The following LRMDA variants were observed in gnomAD, a reference collection of about 807,000 sequenced individuals.
LRMDA encodes leucine-rich melanocyte differentiation-associated protein.
LRMDA carries 18 observed loss-of-function variants against 29.8 expected under a neutral mutation model. The observed-to-expected ratio is 0.60, with a 90% CI of 0.42 to 0.90. The LOEUF (loss-of-function observed/expected upper bound fraction) is 0.90, where lower values mean the gene tolerates loss of function less well. LRMDA is among the 40% of genes least tolerant of loss of function. The probability of loss-of-function intolerance (pLI) is 0.00; values close to 1 mark genes in which losing one functional copy is unlikely to be tolerated. For synonymous variants in LRMDA, 125 were observed against 109.4 expected (o/e 1.14, Z -0.89); for missense variants, 273 against 273.9 (o/e 1.00, Z 0.02).
At chr10:76,461,223 C>G (rs1387863946) in intron 6 of LRMDA, among the ~76,000 whole-genome samples, 1 of 152,092 alleles carries the variant, frequency 6.6e-6, no homozygotes, top group Non-Finnish European at 1.5e-5. Context: ...GTGCCTCATC[C>G]TGACCTCGCC....
At chr10:76,521,186 T>G (rs1228036495) in intron 6 of LRMDA, among the ~76,000 whole-genome samples, 1 of 149,126 alleles carries the variant, frequency 6.7e-6, no homozygotes, top group Admixed American at 6.8e-5. Context: ...CAGGCTGGAG[T>G]GCCGTGGCGC....
chr10:76,359,651 C>T (rs945939066), intron 6 of LRMDA, among the ~76,000 whole-genome samples: 146 of 152,154 alleles, frequency 9.6e-4, no homozygotes, highest in African/African-American at 3.2e-3. Context: ...CCCATATTCC[C>T]GTGGTTTAAT....
chr10:75,769,820 T>TAAAA (rs1843216127), intron 2 of LRMDA, among the ~76,000 whole-genome samples: 1 of 152,166 alleles, frequency 6.6e-6, no homozygotes, highest in African/African-American at 2.4e-5. Flanking sequence ...CCATCTCTAC[T>TAAAA]AAAAATACAA....
intron 2 of LRMDA, among the ~76,000 whole-genome samples, chr10:75,745,818 T>C (rs1842883539): frequency 6.6e-6 from 1 of 152,152 alleles, no homozygotes; most frequent in Non-Finnish European, 1.5e-5. Context: ...AGCTTTTCTT[T>C]GTTTTTTCGT....
At chr10:76,485,844 G>A (rs1002843298) in intron 6 of LRMDA, among the ~76,000 whole-genome samples, 7 of 151,746 alleles carry the variant, frequency 4.6e-5, no homozygotes, top group Middle Eastern at 3.4e-3. Flanking sequence ...TTTCTCTCTC[G>A]GGGTTTTTTA....
intron 6 of LRMDA, among the ~76,000 whole-genome samples, chr10:76,486,078 G>A (rs1409135840): frequency 6.6e-6 from 1 of 151,860 alleles, no homozygotes; most frequent in East Asian, 1.9e-4. Context: ...TTTGGTTACA[G>A]ATATGGAGGA....
chr10:75,970,195 G>A (rs1448493886), intron 2 of LRMDA, among the ~76,000 whole-genome samples: 1 of 152,236 alleles, frequency 6.6e-6, no homozygotes, highest in Non-Finnish European at 1.5e-5. Context: ...TGGAAAAGGA[G>A]TGGGCTGGAG....
chr10:76,220,801 G>T (rs200815819), intron 5 of LRMDA, among the ~76,000 whole-genome samples: 1 of 152,020 alleles, frequency 6.6e-6, no homozygotes, highest in Non-Finnish European at 1.5e-5. Flanking sequence ...TACCAAAGCC[G>T]AGCAGAGACA....
At chr10:75,611,327 C>T (rs1172603220) in intron 2 of LRMDA, among the ~76,000 whole-genome samples, 2 of 152,170 alleles carry the variant, frequency 1.3e-5, no homozygotes. Context: ...TGTGTAGCTG[C>T]CAGTGCTTGA....
intron 2 of LRMDA, among the ~76,000 whole-genome samples, chr10:75,444,138 T>C (rs1844362320): frequency 6.6e-6 from 1 of 152,194 alleles, no homozygotes; most frequent in Non-Finnish European, 1.5e-5. Flanking sequence ...GAAGTTACTG[T>C]ATGTATTTTT....
At chr10:75,811,016 C>G (rs1843950475) in intron 2 of LRMDA, among the ~76,000 whole-genome samples, 1 of 152,150 alleles carries the variant, frequency 6.6e-6, no homozygotes, top group Admixed American at 6.5e-5. Context: ...GGCCCAAGCT[C>G]CTAATTACTG....
intron 5 of LRMDA, among the ~76,000 whole-genome samples, chr10:76,263,547 C>T (rs754753966): frequency 1.3e-5 from 2 of 152,152 alleles, no homozygotes; most frequent in Non-Finnish European, 2.9e-5. Flanking sequence ...CAAGCTTCTA[C>T]ATAACTCATC....
intron 5 of LRMDA, among the ~76,000 whole-genome samples, chr10:76,308,528 G>A (rs927027070): frequency 1.3e-5 from 2 of 152,068 alleles, no homozygotes; most frequent in Non-Finnish European, 2.9e-5. Flanking sequence ...TGGAGGAGAT[G>A]GAGAAGATTC....
At chr10:76,113,816 T>C (rs1277788184) in intron 5 of LRMDA, among the ~76,000 whole-genome samples, 1 of 152,158 alleles carries the variant, frequency 6.6e-6, no homozygotes, top group Non-Finnish European at 1.5e-5. Flanking sequence ...CATGGCAACC[T>C]TTTCCTGGGG....
intron 2 of LRMDA, among the ~76,000 whole-genome samples, chr10:75,473,087 C>G (rs1844745011): frequency 6.6e-6 from 1 of 152,150 alleles, no homozygotes; most frequent in African/African-American, 2.4e-5. Context: ...CATGATGGAC[C>G]AGGAGAGAGA....
chr10:75,460,660 T>C (rs1844573718), intron 2 of LRMDA, among the ~76,000 whole-genome samples: 1 of 152,214 alleles, frequency 6.6e-6, no homozygotes, highest in Non-Finnish European at 1.5e-5. Flanking sequence ...TAATCCATAA[T>C]GTTTATGCTG....
intron 5 of LRMDA, among the ~76,000 whole-genome samples, chr10:76,166,093 A>G (rs921568913): frequency 2.0e-5 from 3 of 152,148 alleles, no homozygotes; most frequent in African/African-American, 7.2e-5. Context: ...TCAAGGGGAA[A>G]TTCCTGAGAG....
chr10:75,628,779 G>A (rs536867598), intron 2 of LRMDA, among the ~76,000 whole-genome samples: 5 of 152,292 alleles, frequency 3.3e-5, no homozygotes, highest in African/African-American at 1.2e-4. Context: ...TAGAACTGCT[G>A]TGTCTCCTCA....
chr10:75,905,815 A>G (rs1845748929), intron 2 of LRMDA, among the ~76,000 whole-genome samples: 1 of 152,122 alleles, frequency 6.6e-6, no homozygotes. Flanking sequence ...CATGCCTTCA[A>G]ACTTGCTCTT....
Sources: allele counts gnomAD v4.1 joint callset (sites outside exome capture counted in the v4.1 genomes callset), GRCh38; gene constraint gnomAD v4.1.1; transcripts MANE v1.5; gene names NCBI Gene and HGNC (gene_info 2026-07-23, HGNC 2026-07-21).